SRRT: variants seen among roughly 807,000 people sequenced by gnomAD.
The protein encoded by SRRT is serrate RNA effector molecule homolog.
In SRRT, 32 loss-of-function variants were observed where a neutral mutation model predicts 103.2. The observed-to-expected ratio is 0.31, with a 90% CI of 0.23 to 0.42. SRRT has a LOEUF of 0.42. SRRT is among the 10% of genes least tolerant of loss of function. The pLI is 1.00. For missense variants in SRRT, 986 were observed against 1,207.5 expected, an observed-to-expected ratio of 0.82 and a Z score of 2.72; for synonymous variants, 525 against 449.0, an observed-to-expected ratio of 1.17 and a Z score of -2.14.
At position 100,887,197 on chromosome 7, in the gene SRRT, GA is replaced by G; in HGVS notation, c.1974del (p.Val659CysfsTer16). On this transcript the variant is annotated frameshift_variant and splice_region_variant, in exon 15 of 20. Coordinates refer to ENST00000611405, the MANE Select transcript of SRRT (RefSeq NM_015908.6). LOFTEE classifies it high-confidence loss of function. This position sits in a 1 kb window ranked among gnomAD's most constrained non-coding sequence, Gnocchi z 4.1. ...GCCACCCAACCGCATCAGTCACGGG[GA>G]AGGTGAGCTCCAGGTTCCCCTTTGT... ...PMPPNRISHGEVLEWQKTFEE... is the reference protein window; with the variant it reads ...PMPPNRISHGXVLEWQKTFEE... 1 of 1,614,174 alleles carries G rather than the reference GA, an allele frequency of 6.2e-7. No individual in the cohort carries two copies. Among genetic ancestry groups the G allele is most frequent in the Non-Finnish European group, 8.5e-7 (1 of 1,180,016 alleles).
intron 2 of SRRT, among the ~76,000 whole-genome samples, chr7:100,877,771 C>T (rs1187489366): frequency 6.6e-6 from 1 of 152,100 alleles, no homozygotes; most frequent in African/African-American, 2.4e-5. Context: ...CCACCTGCTT[C>T]GACCTCTCAA....
rs755602024 is a variant in SRRT, at chr7:100,875,662, C to T, written c.72C>T (p.Asp24=). ...TCAGAAGAGAGCGCAGCGACTACGA[C>T]CGTTCCCGCGAGAGAGATGAAAGAC... ...DKFRRERSDY[D]RSRERDERRR... The change falls in exon 2 of 20, where the codon GAC becomes GAT. Residue 24 remains aspartate, a synonymous_variant. Transcript: ENST00000611405. 1 of 1,614,178 alleles carries T rather than the reference C, an allele frequency of 6.2e-7. No homozygotes were observed. Among genetic ancestry groups the T allele is most frequent in the Non-Finnish European group, 8.5e-7 (1 of 1,179,994 alleles).
rs1563027703 is a variant in SRRT, at chr7:100,888,299, A to ACCC, written c.2474_2476dup (p.Pro825dup). ...GCAGTCCCCACAGGAGGCCCTCCATACCCCCATGCCCCGTATGGTGCTGGT... is the reference window on the plus strand; with the variant it reads ...GCAGTCCCCACAGGAGGCCCTCCATACCCCCCCCATGCCCCGTATGGTGCTGGT... On this transcript the variant is annotated inframe_insertion, in exon 19 of 20. Transcript: ENST00000611405. 1 of 1,613,340 alleles carries ACCC rather than the reference A, an allele frequency of 6.2e-7. No individual in the cohort carries two copies.
At position 100,884,399 on chromosome 7, in the gene SRRT, T is replaced by C. The variant is rs920891164; in HGVS notation, c.789T>C (p.Asn263=). 1 of 1,613,420 alleles carries C rather than the reference T, an allele frequency of 6.2e-7. No individual in the cohort carries two copies. The highest frequency in any genetic ancestry group is 1.3e-5 in the African/African-American group (1 of 74,898). The change falls in exon 7 of 20, where the codon AAT becomes AAC. Residue 263 remains asparagine (N), a synonymous_variant. Coordinates refer to ENST00000611405, the MANE Select transcript of SRRT (RefSeq NM_015908.6). ...AVIKMEGGTE[N]DLRILEQEEE... The stretch of plus-strand genomic sequence containing the variant: ...TTAAGATGGAAGGAGGCACGGAGAA[T>C]GATCTTCGCATCCTGGAGCAGGAGG...
rs1790053570 is a variant in SRRT at position 100,885,962 on chromosome 7, T to C, written c.1458+21T>C. Reference sequence around the variant, plus strand: ...TCCGTGTGAGTGCTGGGGGTGGGACTGTGGGGAAGAGGAAGGGAGACTCTG... The same window carrying C: ...TCCGTGTGAGTGCTGGGGGTGGGACCGTGGGGAAGAGGAAGGGAGACTCTG... On this transcript the variant is annotated intron_variant, in intron 12 of 19. Coordinates refer to ENST00000611405, the MANE Select transcript of SRRT (RefSeq NM_015908.6). This position sits in a 1 kb window ranked among gnomAD's most constrained non-coding sequence, Gnocchi z 4.8. The C allele has an allele frequency of 6.2e-7, 1 of 1,612,680 alleles. No homozygotes were observed. Among genetic ancestry groups the C allele is most frequent in the African/African-American group, 1.3e-5 (1 of 74,894 alleles).
Position 100,885,390 on chromosome 7 carries a change from G to A in SRRT, c.1317+20G>A, listed in dbSNP as rs1472009833. ...ATCTCCGTGAGTGGGGACCCGTGGA[G>A]TCAGGGCAGGGCTGATGGAGAAGTG... On this transcript the variant is annotated intron_variant, in intron 10 of 19. Transcript: ENST00000611405. The surrounding 1 kb of genome is among the most constrained non-coding windows in gnomAD (Gnocchi z 4.8). 6.2e-7 allele frequency: 1 copy of A among 1,608,948 alleles called. No homozygotes were observed. Among genetic ancestry groups the A allele is most frequent in the South Asian group, 1.1e-5 (1 of 90,778 alleles).
At chr7:100,878,115 C>A (rs750574989) in intron 2 of SRRT, among the ~76,000 whole-genome samples, 66 of 151,988 alleles carry the variant, frequency 4.3e-4, no homozygotes, top group Non-Finnish European at 9.1e-4. Context: ...AATTTGAGAC[C>A]AACCTGGGCA....
chr7:100,876,645 C>A (rs1236291082), intron 2 of SRRT, among the ~76,000 whole-genome samples: 2 of 152,266 alleles, frequency 1.3e-5, no homozygotes, highest in South Asian at 2.1e-4. Flanking sequence ...TAGGGCGGTG[C>A]TGATTGGATT....
Position 100,885,599 on chromosome 7 carries a change from A to G in SRRT, c.1318-102A>G. ...TCCCTGCCCAAGGATGGGAAGAGTG[A>G]TAAGGCAGTTAGTCCCTAGGGTTCT... On this transcript the variant is annotated intron_variant, in intron 10 of 19. Transcript: ENST00000611405. The surrounding 1 kb of genome is among the most constrained non-coding windows in gnomAD (Gnocchi z 4.8). 7.7e-7 allele frequency: 1 copy of G among 1,301,760 alleles called. No individual in the cohort carries two copies. Among genetic ancestry groups the G allele is most frequent in the Non-Finnish European group, 1.1e-6 (1 of 922,076 alleles). The allele number at this position is 1,301,760 out of a possible 1,614,324, so 80.6% of individuals were successfully genotyped here. A position where few individuals can be genotyped will look rare whatever the true frequency, so the allele number is the denominator to read the frequency against.
In SRRT at chr7:100,875,726, A is replaced by G; in HGVS notation, c.122+14A>G. ...TTGGAATGACAGGTGAGCCGTTTTT[A>G]ACTTCATCTTGTCCCCGTTTCATGC... is the stretch of plus-strand genomic sequence containing the variant. On this transcript the variant is annotated intron_variant, in intron 2 of 19. Coordinates refer to ENST00000611405, the MANE Select transcript of SRRT (RefSeq NM_015908.6). The G allele has an allele frequency of 6.2e-7, 1 of 1,613,286 alleles. No homozygotes were observed. The highest frequency in any genetic ancestry group is 8.5e-7 in the Non-Finnish European group (1 of 1,179,440).
chr7:100,887,111 A>G lies in SRRT; in HGVS notation c.1886A>G (p.Glu629Gly). The change falls in exon 15 of 20, where the codon GAG becomes GGG. Residue 629 changes from glutamate to glycine, a missense_variant. This residue lies in a region of SRRT where 349 missense variants were observed against 446.9 expected (regional missense o/e 0.78). Transcript: ENST00000611405. The surrounding 1 kb of genome is among the most constrained non-coding windows in gnomAD (Gnocchi z 4.1). Reference protein sequence around the residue: ...VHSLDYYNTCEYPNEDEMPNR... With the variant: ...VHSLDYYNTCGYPNEDEMPNR... ...TCCTTGGATTATTACAACACCTGTG[A>G]GTACCCCAACGAGGACGAGATGCCC... 1.2e-6 allele frequency: 2 copies of G among 1,614,240 alleles called. No individual in the cohort carries two copies. Among genetic ancestry groups the G allele is most frequent in the Non-Finnish European group, 1.7e-6 (2 of 1,180,056 alleles).
intron 5 of SRRT, among the ~76,000 whole-genome samples, chr7:100,883,471 G>A (rs1789776108): frequency 6.6e-6 from 1 of 151,964 alleles, no homozygotes; most frequent in Non-Finnish European, 1.5e-5. Flanking sequence ...CTCTCCCCCT[G>A]TGGGCAGGAC....
chr7:100,876,771 G>A (rs954673090), intron 2 of SRRT, among the ~76,000 whole-genome samples: 13 of 152,108 alleles, frequency 8.5e-5, no homozygotes, highest in Non-Finnish European at 2.9e-5. Context: ...TATAAAGAGG[G>A]TAAGCATTGA....
At chr7:100,876,412 A>G (rs1312777589) in intron 2 of SRRT, among the ~76,000 whole-genome samples, 1 of 152,168 alleles carries the variant, frequency 6.6e-6, no homozygotes, top group Admixed American at 6.5e-5. Context: ...TCGACCTCCC[A>G]AAGTGCTGGG....
In SRRT at chr7:100,887,368, G is replaced by A. The variant is rs371902746; in HGVS notation, c.2024G>A (p.Ser675Asn). Residue 675 changes from serine to asparagine, a missense_variant, in exon 16 of 20, where the codon AGT becomes AAT. This residue lies in a region of SRRT where 349 missense variants were observed against 446.9 expected (regional missense o/e 0.78). Coordinates refer to ENST00000611405, the MANE Select transcript of SRRT (RefSeq NM_015908.6). The surrounding 1 kb of genome is among the most constrained non-coding windows in gnomAD (Gnocchi z 4.1). ...GAGGAGAAGCTCACGCCGTTGCTGA[G>A]TGTGCGGGAGTCACTCTCAGAGGAA... Reference protein sequence around the residue: ...TFEEKLTPLLSVRESLSEEEA... With the variant: ...TFEEKLTPLLNVRESLSEEEA... The A allele has an allele frequency of 1.2e-6, 2 of 1,614,240 alleles. No homozygotes were observed.
rs1790081569 is a variant in SRRT, at chr7:100,886,188, G to A, written c.1459-59G>A. The A allele has an allele frequency of 1.9e-5, 30 of 1,562,708 alleles. 1 individual carries two copies. In the South Asian group the frequency reaches 2.7e-4, roughly 14 times the overall value. On this transcript the variant is annotated intron_variant, in intron 12 of 19. Transcript: ENST00000611405. ...CTCAAGAGGGAAGGGTCTTAGAGCTGCTGTTTCTCTGGCAAGCGGGGTAAG... is the reference window on the plus strand; with the variant it reads ...CTCAAGAGGGAAGGGTCTTAGAGCTACTGTTTCTCTGGCAAGCGGGGTAAG...
chr7:100,875,679 A>G lies in SRRT; in HGVS notation c.89A>G (p.Asp30Gly). The change falls in exon 2 of 20, where the codon GAT becomes GGT. Residue 30 changes from aspartate (D) to glycine (G), a missense_variant. Asp to Gly is a moderately conservative substitution (Grantham distance 94). Coordinates refer to ENST00000611405, the MANE Select transcript of SRRT (RefSeq NM_015908.6). ...RSDYDRSRER[D>G]ERRRGDDWND... is the part of the protein sequence containing the mutation. ...GACTACGACCGTTCCCGCGAGAGAG[A>G]TGAAAGACGTCGAGGGGACGATTGG... 6.2e-7 allele frequency: 1 copy of G among 1,614,102 alleles called. No homozygotes were observed. The highest frequency in any genetic ancestry group is 8.5e-7 in the Non-Finnish European group (1 of 1,179,968).
chr7:100,884,691 A>G (rs1789913677), intron 7 of SRRT, 49 bp from the exon 8 acceptor site: 1 of 1,587,608 alleles, frequency 6.3e-7, no homozygotes, highest in East Asian at 2.3e-5. Flanking sequence ...CCCTCTGATA[A>G]AGGTGGGAGG....
chr7:100,881,149 G>C (rs1032964297), intron 2 of SRRT, 136 bp from the exon 3 acceptor site: 3 of 794,868 alleles, frequency 3.8e-6, no homozygotes, highest in East Asian at 2.7e-5. Flanking sequence ...GGGCGGGGGG[G>C]GGTCTCACTA....
Sources: allele counts gnomAD v4.1 joint callset (sites outside exome capture counted in the v4.1 genomes callset), GRCh38; gene constraint gnomAD v4.1.1; regional missense constraint gnomAD v4.1.1; non-coding constraint Gnocchi (gnomAD v3.1); transcripts MANE v1.5; gene names NCBI Gene and HGNC (gene_info 2026-07-23, HGNC 2026-07-21).